The following MESD variants were observed in gnomAD, a reference collection of about 807,000 sequenced individuals.
The protein encoded by MESD is mesoderm development LRP chaperone.
In MESD, 7 loss-of-function variants were observed where a neutral mutation model predicts 12.9. That is an observed-to-expected ratio of 0.54 (90% CI 0.31 to 1.02). MESD has a LOEUF of 1.02. Ranked by LOEUF, MESD falls within the 50% of genes least tolerant of loss-of-function variation. The probability of loss-of-function intolerance (pLI) is 0.05; values close to 1 mark genes in which losing one functional copy is unlikely to be tolerated. For synonymous variants in MESD, 126 were observed against 115.6 expected (o/e 1.09, Z -0.58); for missense variants, 342 against 296.7 (o/e 1.15, Z -1.12).
rs1481765687 is a variant in MESD, at chr15:80,979,377, C to G, written c.547G>C (p.Val183Leu). 2 of 1,614,076 alleles carry G rather than the reference C, an allele frequency of 1.2e-6. No individual in the cohort carries two copies. Among genetic ancestry groups the G allele is most frequent in the African/African-American group, 1.3e-5 (1 of 74,918 alleles). Residue 183 changes from valine (V) to leucine (L), a missense_variant, in exon 3 of 3, where the codon GTA (valine) becomes CTA (leucine). Physicochemically the swap from Val to Leu is conservative, Grantham distance 32. Coordinates refer to ENST00000261758, the MANE Select transcript of MESD (RefSeq NM_015154.3). ...GGGTACACCTGGCCCTCCAGAGTTA[C>G]ATCAGCACACCTGTCTTGACCGACC... ...FLVGQDRCAD[V>L]TLEGQVYPGK...
rs1902442679 is a variant in MESD, at chr15:80,977,313, A to AT, written c.*1905dup. ...TAACAGCTGCCATTTTACTTTGTACATTACTGACATTTGTCTTCCCCCACC... is the reference window on the plus strand; with the variant it reads ...TAACAGCTGCCATTTTACTTTGTACATTTACTGACATTTGTCTTCCCCCACC... On this transcript the variant is annotated 3_prime_UTR_variant, in exon 3 of 3. Coordinates refer to ENST00000261758, the MANE Select transcript of MESD (RefSeq NM_015154.3). 1 of 152,172 alleles carries AT rather than the reference A, an allele frequency of 6.6e-6. No individual in the cohort carries two copies. Among genetic ancestry groups the AT allele is most frequent in the African/African-American group, 2.4e-5 (1 of 41,410 alleles). The allele number at this position is 152,172 out of a possible 1,614,324, so 9.4% of individuals were successfully genotyped here.
Position 80,979,377 on chromosome 15 carries a change from C to T in MESD, c.547G>A (p.Val183Ile). Reference sequence around the variant, plus strand: ...GGGTACACCTGGCCCTCCAGAGTTACATCAGCACACCTGTCTTGACCGACC... The same window carrying T: ...GGGTACACCTGGCCCTCCAGAGTTATATCAGCACACCTGTCTTGACCGACC... ...FLVGQDRCADVTLEGQVYPGK... is the reference protein window; with the variant it reads ...FLVGQDRCADITLEGQVYPGK... Residue 183 changes from valine to isoleucine, a missense_variant, in exon 3 of 3, where the codon GTA (valine) becomes ATA (isoleucine). Transcript: ENST00000261758. 3.7e-6 allele frequency: 6 copies of T among 1,614,194 alleles called. No individual in the cohort carries two copies. The highest frequency in any genetic ancestry group is 5.1e-6 in the Non-Finnish European group (6 of 1,180,038).
chr15:80,947,513 T>TA (rs1413323438), exon 5 of MESD: 7 of 169,228 alleles, frequency 4.1e-5, no homozygotes, highest in Non-Finnish European at 7.7e-5. Flanking sequence ...TCCAGAAAAC[T>TA]AAAGCCCAGA....
Position 80,979,156 on chromosome 15 carries a change from A to G in MESD, c.*63T>C. 6.4e-7 allele frequency: 1 copy of G among 1,561,048 alleles called. No individual in the cohort carries two copies. On this transcript the variant is annotated 3_prime_UTR_variant, in exon 3 of 3. Coordinates refer to ENST00000261758, the MANE Select transcript of MESD (RefSeq NM_015154.3). ...AGTTGCCTGAGACCACTCCCACCCC[A>G]GGAGCTGGGCAAAGAGCTCTCCACG...
Position 80,968,943 on chromosome 15 carries a change from C to T in MESD, c.*288+9988G>A, listed in dbSNP as rs915676240. ...GTGGTTCACACCTGTAATCCCAACA[C>T]TTTGGGAGGTCAAGGTGGGAGGATT... On this transcript the variant is annotated intron_variant, in intron 3 of 4. Coordinates refer to the MESD transcript ENST00000561312. Among the ~76,000 whole-genome samples the T allele has an allele frequency of 2.6e-5, 4 of 152,170 alleles. No homozygotes were observed. The South Asian group carries it at 6.2e-4, about 24-fold the overall frequency.
chr15:80,979,135 G>A lies in MESD; in HGVS notation c.*84C>T. ...CTAGAATGTCATCCGGTGTGCAGTT[G>A]CCTGAGACCACTCCCACCCCAGGAG... On this transcript the variant is annotated 3_prime_UTR_variant, in exon 3 of 3. Coordinates refer to ENST00000261758, the MANE Select transcript of MESD (RefSeq NM_015154.3). 1.3e-6 allele frequency: 2 copies of A among 1,523,140 alleles called. No homozygotes were observed. Among genetic ancestry groups the A allele is most frequent in the Middle Eastern group, 1.8e-4 (1 of 5,636 alleles). 94.4% of individuals were successfully genotyped at this position (1,523,140 alleles called of 1,614,324 possible). A position where few individuals can be genotyped will look rare whatever the true frequency, so the allele number is the denominator to read the frequency against.
chr15:80,977,926 G>A lies in MESD; in HGVS notation c.*1293C>T, dbSNP rs16972613. 7,397 of 152,354 alleles carry A rather than the reference G, an allele frequency of 0.049. 630 individuals are homozygous for A. The highest frequency in any genetic ancestry group is 0.17 in the African/African-American group (7,058 of 41,528). 9.4% of individuals were successfully genotyped at this position (152,354 alleles called of 1,614,324 possible). ...CAGGGCAAATGTCCCATCCAAAGCA[G>A]AGAACTGAGAATGCAGAGGGTGTGG... On this transcript the variant is annotated 3_prime_UTR_variant, in exon 3 of 3. Coordinates refer to ENST00000261758, the MANE Select transcript of MESD (RefSeq NM_015154.3).
At chr15:80,968,774 T>C (rs1902226427) in intron 3 of MESD, among the ~76,000 whole-genome samples, 1 of 152,196 alleles carries the variant, frequency 6.6e-6, no homozygotes, top group African/African-American at 2.4e-5. Context: ...GTGAGGTCCT[T>C]AAATAACTTG....
downstream of MESD, among the ~76,000 whole-genome samples, chr15:80,972,698 G>A (rs928001158): frequency 6.6e-6 from 1 of 152,186 alleles, no homozygotes. Flanking sequence ...CCACTAAAAC[G>A]CTGAACGCAG....
At chr15:80,950,950 C>T (rs895023315) in intron 4 of MESD, 4 of 152,680 alleles carry the variant, frequency 2.6e-5, no homozygotes, top group Admixed American at 6.5e-5. Flanking sequence ...AGTCCATTCC[C>T]CAGGTGGGAG....
chr15:80,948,456 G>A (rs1034355819), exon 5 of MESD: 28 of 376,470 alleles, frequency 7.4e-5, no homozygotes, highest in Non-Finnish European at 1.1e-4. Flanking sequence ...GGGACTTGCT[G>A]GTTGTCCTAG....
At chr15:80,972,370 TC>T (rs1427814693), downstream of MESD, among the ~76,000 whole-genome samples, 1 of 152,208 alleles carries the variant, frequency 6.6e-6, no homozygotes, top group Admixed American at 6.5e-5. Context: ...TATCAAATCA[TC>T]CAGTCTCTGG....
At chr15:80,949,760 G>A (rs977160182) in intron 4 of MESD, 1 of 152,418 alleles carries the variant, frequency 6.6e-6, no homozygotes, top group Non-Finnish European at 1.5e-5. Context: ...AGAAATCACA[G>A]AGAGGTAAAA....
intron 3 of MESD, among the ~76,000 whole-genome samples, chr15:80,966,248 C>A (rs758962441): frequency 4.6e-5 from 7 of 151,712 alleles, no homozygotes; most frequent in Admixed American, 1.3e-4. Context: ...GGGGATTTAG[C>A]CTAATGAAAT....
chr15:80,957,046 A>T (rs1056191083), intron 3 of MESD, among the ~76,000 whole-genome samples: 2 of 152,020 alleles, frequency 1.3e-5, no homozygotes, highest in Non-Finnish European at 2.9e-5. Context: ...GCTGCTCTCA[A>T]ATTCCTGAGC....
chr15:80,952,839 G>GCA, intron 3 of MESD: 1 of 391,936 alleles, frequency 2.6e-6, no homozygotes, highest in Middle Eastern at 8.8e-4. Context: ...GATCACACTT[G>GCA]CACACTCAGT....
chr15:80,953,173 G>T, intron 3 of MESD: 1 of 438,474 alleles, frequency 2.3e-6, no homozygotes, highest in Admixed American at 2.4e-5. Context: ...GTGGAAGGTG[G>T]GTTGGGCCAA....
In MESD at chr15:80,979,380, C is replaced by A. The variant is rs1902512119; in HGVS notation, c.544G>T (p.Asp182Tyr). The change falls in exon 3 of 3, where the codon GAT becomes TAT. Residue 182 changes from aspartate to tyrosine, a missense_variant. Physicochemically the swap from Asp to Tyr is radical, Grantham distance 160 (BLOSUM62 -3). Coordinates refer to ENST00000261758, the MANE Select transcript of MESD (RefSeq NM_015154.3). ...DFLVGQDRCA[D>Y]VTLEGQVYPG... is the part of the protein sequence containing the mutation. ...TACACCTGGCCCTCCAGAGTTACAT[C>A]AGCACACCTGTCTTGACCGACCAAA... 1 of 1,614,184 alleles carries A rather than the reference C, an allele frequency of 6.2e-7. No individual in the cohort carries two copies. The highest frequency in any genetic ancestry group is 8.5e-7 in the Non-Finnish European group (1 of 1,180,040).
At chr15:80,953,414 T>C (rs772996308) in intron 3 of MESD, among the ~76,000 whole-genome samples, 4 of 150,968 alleles carry the variant, frequency 2.6e-5, no homozygotes, top group South Asian at 2.1e-4. Context: ...CACAGAGAGG[T>C]TGGGGTGGAG....
Sources: gnomAD v4.1 joint callset for allele counts (sites outside exome capture counted in the v4.1 genomes callset) on GRCh38, gnomAD v4.1.1 for gene constraint, MANE v1.5 for transcripts, NCBI Gene and HGNC (gene_info 2026-07-23, HGNC 2026-07-21) for gene names.